Variants in MALRD1 observed in about 807,000 individuals in gnomAD.
MALRD1 encodes the protein MAM and LDL receptor class A domain containing 1.
A neutral mutation model predicts 242.1 loss-of-function variants in MALRD1; 247 were observed. That is an observed-to-expected ratio of 1.02 (90% CI 0.92 to 1.13). The LOEUF (loss-of-function observed/expected upper bound fraction) is 1.13. MALRD1 is among the 50% of genes most tolerant of loss of function. The pLI, the probability that MALRD1 is intolerant of heterozygous loss-of-function variation, is 0.00. For missense variants in MALRD1, 2,989 were observed against 2,533.1 expected (o/e 1.18, Z -3.86); for synonymous variants, 995 against 866.6 (o/e 1.15, Z -2.60).
intron 28 of MALRD1, among the ~76,000 whole-genome samples, chr10:19,418,394 A>G (rs1488479281): frequency 2.0e-5 from 3 of 152,004 alleles, no homozygotes; most frequent in Non-Finnish European, 2.9e-5. Context: ...TATGTTTTAT[A>G]TTTTTCTTGG....
intron 32 of MALRD1, among the ~76,000 whole-genome samples, chr10:19,552,197 T>C (rs1835504991): frequency 6.6e-6 from 1 of 152,158 alleles, no homozygotes; most frequent in East Asian, 1.9e-4. Flanking sequence ...TCTGGTAAAA[T>C]TCAGCTGTGA....
At chr10:19,688,879 T>C (rs1455879590) in intron 36 of MALRD1, among the ~76,000 whole-genome samples, 1 of 152,200 alleles carries the variant, frequency 6.6e-6, no homozygotes, top group African/African-American at 2.4e-5. Context: ...TGGAGAAGGT[T>C]TAGTTTGACA....
At chr10:19,199,990 G>T (rs1836449834) in intron 14 of MALRD1, among the ~76,000 whole-genome samples, 1 of 151,828 alleles carries the variant, frequency 6.6e-6, no homozygotes, top group Admixed American at 6.6e-5. Context: ...TTATCCAGTT[G>T]TGGTGGCATG....
chr10:19,592,677 C>A (rs116891335), intron 33 of MALRD1, among the ~76,000 whole-genome samples: 1 of 149,432 alleles, frequency 6.7e-6, no homozygotes, highest in East Asian at 2.1e-4. Context: ...TGCCTACCTC[C>A]GAAAGGAGAA....
chr10:19,634,819 A>G (rs1322926603), intron 36 of MALRD1, among the ~76,000 whole-genome samples: 1 of 151,878 alleles, frequency 6.6e-6, no homozygotes, highest in Non-Finnish European at 1.5e-5. Flanking sequence ...TATTTGAAAA[A>G]CAACAACAAC....
At chr10:19,344,692 T>C (rs1844030939) in intron 24 of MALRD1, among the ~76,000 whole-genome samples, 1 of 148,238 alleles carries the variant, frequency 6.7e-6, no homozygotes, top group South Asian at 2.2e-4. Context: ...GGAACTTTGA[T>C]AAAAATTGCA....
intron 1 of MALRD1, among the ~76,000 whole-genome samples, chr10:19,060,960 C>G (rs1248838033): frequency 2.0e-5 from 3 of 152,166 alleles, no homozygotes; most frequent in Non-Finnish European, 4.4e-5. Context: ...GTGATCATGT[C>G]CTTTTCAGGG....
chr10:19,104,186 T>C (rs1836382112), intron 5 of MALRD1, 111 bp downstream of exon 5: 1 of 584,332 alleles, frequency 1.7e-6, no homozygotes, highest in African/African-American at 1.9e-5. Context: ...TGTTTTCATG[T>C]GGGATATTTT....
At chr10:19,353,009 C>CT (rs1418986912) in intron 26 of MALRD1, among the ~76,000 whole-genome samples, 2 of 151,328 alleles carry the variant, frequency 1.3e-5, no homozygotes, top group African/African-American at 4.9e-5. Context: ...CTTTTTTTTT[C>CT]TTTTTTTCTT....
intron 32 of MALRD1, among the ~76,000 whole-genome samples, chr10:19,543,768 C>G (rs543136636): frequency 6.6e-6 from 1 of 152,148 alleles, no homozygotes; most frequent in East Asian, 1.9e-4. Flanking sequence ...TTTGTATCAA[C>G]TTACTCCCTA....
intron 21 of MALRD1, among the ~76,000 whole-genome samples, chr10:19,307,711 T>C (rs1449746216): frequency 6.6e-6 from 1 of 151,440 alleles, no homozygotes; most frequent in Non-Finnish European, 1.5e-5. Flanking sequence ...AGGAAAAATA[T>C]TGGATAGAGA....
chr10:19,162,044 GCAA>G (rs34483130), intron 12 of MALRD1, among the ~76,000 whole-genome samples: 15 of 119,608 alleles, frequency 1.3e-4, no homozygotes. Context: ...AACAACAACA[GCAA>G]CAACAACAAC....
At chr10:19,719,978 C>T (rs978060370) in intron 38 of MALRD1, among the ~76,000 whole-genome samples, 1 of 152,080 alleles carries the variant, frequency 6.6e-6, no homozygotes, top group Non-Finnish European at 1.5e-5. Context: ...AGTGTACACT[C>T]AATGAGAATA....
chr10:19,484,612 C>G (rs1439344873), intron 29 of MALRD1, among the ~76,000 whole-genome samples: 1 of 151,942 alleles, frequency 6.6e-6, no homozygotes, highest in African/African-American at 2.4e-5. Flanking sequence ...ATTAATGAAA[C>G]CATATAATAT....
chr10:19,706,674 G>A (rs753730232), intron 38 of MALRD1, among the ~76,000 whole-genome samples: 4 of 151,956 alleles, frequency 2.6e-5, no homozygotes, highest in Non-Finnish European at 5.9e-5. Flanking sequence ...GGAAAAAAAG[G>A]GCCGAGTGTT....
chr10:19,236,994 A>AT, intron 18 of MALRD1, among the ~76,000 whole-genome samples: 1 of 151,962 alleles, frequency 6.6e-6, no homozygotes. Flanking sequence ...TCATTAATTT[A>AT]TTTTTTAAAA....
chr10:19,106,889 A>T (rs2131342785), intron 5 of MALRD1, among the ~76,000 whole-genome samples: 1 of 151,894 alleles, frequency 6.6e-6, no homozygotes, highest in Non-Finnish European at 1.5e-5. Flanking sequence ...TCATTGGCTT[A>T]TTTTGTTTTT....
At chr10:19,524,772 G>C (rs1834027668) in intron 31 of MALRD1, among the ~76,000 whole-genome samples, 1 of 152,130 alleles carries the variant, frequency 6.6e-6, no homozygotes, top group Admixed American at 6.5e-5. Context: ...AGCAGGGATT[G>C]AATTCAGATC....
rs553736751 is a variant in MALRD1, at chr10:19,062,544, A to C, written c.200-4175A>C. ...AAACCACTCAAGTGTCCATTGACAG[A>C]TGAATGGATAAACCAAATTTTATAT... On this transcript the variant is annotated intron_variant, in intron 1 of 39. Coordinates refer to ENST00000454679, the MANE Select transcript of MALRD1 (RefSeq NM_001142308.3). Among the ~76,000 whole-genome samples the C allele has an allele frequency of 6.6e-5, 10 of 152,370 alleles. 1 individual carries two copies. In the South Asian group the frequency reaches 2.1e-3, roughly 32 times the overall value.
Sources: gnomAD v4.1 joint callset for allele counts (sites outside exome capture counted in the v4.1 genomes callset) on GRCh38, gnomAD v4.1.1 for gene constraint, MANE v1.5 for transcripts, NCBI Gene and HGNC (gene_info 2026-07-23, HGNC 2026-07-21) for gene names.